Variants in DENND1B observed in about 807,000 individuals in gnomAD.
DENND1B encodes the protein DENN domain-containing protein 1B.
DENND1B carries 59 observed loss-of-function variants against 90.1 expected under a neutral mutation model. The ratio of observed to expected loss-of-function variants is 0.65; its 90% CI spans 0.53 to 0.81. The LOEUF (loss-of-function observed/expected upper bound fraction) is 0.81. DENND1B is among the 40% of genes least tolerant of loss of function. The pLI, the probability that DENND1B is intolerant of heterozygous loss-of-function variation, is 0.00. For missense variants in DENND1B, 862 were observed against 912.6 expected (o/e 0.94, Z 0.71); for synonymous variants, 337 against 324.6 (o/e 1.04, Z -0.41).
intron 2 of DENND1B, among the ~76,000 whole-genome samples, chr1:197,755,155 T>C (rs1654115162): frequency 6.6e-6 from 1 of 152,200 alleles, no homozygotes; most frequent in South Asian, 2.1e-4. Flanking sequence ...AAATTGAGGT[T>C]TACTGGAAAA....
intron 15 of DENND1B, among the ~76,000 whole-genome samples, chr1:197,565,533 C>T (rs915653717): frequency 3.3e-5 from 5 of 151,288 alleles, no homozygotes; most frequent in African/African-American, 1.2e-4. Context: ...TACATGTGCA[C>T]AATGTGCAGG....
intron 15 of DENND1B, among the ~76,000 whole-genome samples, chr1:197,568,162 T>C (rs1214268830): frequency 6.6e-6 from 1 of 152,044 alleles, no homozygotes; most frequent in South Asian, 2.1e-4. Context: ...ATCAGTAATG[T>C]AGCAAGATAC....
intron 15 of DENND1B, among the ~76,000 whole-genome samples, chr1:197,569,780 G>T (rs1016855705): frequency 6.6e-6 from 1 of 152,044 alleles, no homozygotes; most frequent in Non-Finnish European, 1.5e-5. Context: ...AGGGGTTGGG[G>T]TAAAGCAGAC....
chr1:197,734,375 A>T (rs1402731972), intron 2 of DENND1B: 2 of 983,030 alleles, frequency 2.0e-6, no homozygotes, highest in Non-Finnish European at 2.4e-6. Context: ...TGAGTTCATG[A>T]ATATTTACAA....
rs561557096 is a variant in DENND1B, at chr1:197,642,893, A to G, written c.562-72T>C. ...GTGAAGAAAAACATTTTACACACTT[A>G]CCAGAAAGTCTTGAAGTTCAAAGGG... On this transcript the variant is annotated intron_variant, in intron 9 of 22. Transcript: ENST00000620048. 6.5e-5 allele frequency: 66 copies of G among 1,017,640 alleles called. 1 individual carries two copies. In the South Asian group the frequency reaches 9.4e-4, roughly 15 times the overall value. 63.0% of individuals were successfully genotyped at this position (1,017,640 alleles called of 1,614,324 possible). A position where few individuals can be genotyped will look rare whatever the true frequency, so the allele number is the denominator to read the frequency against.
At chr1:197,658,444 C>T in intron 5 of DENND1B, 75 bp from the exon 6 acceptor site, 2 of 1,010,896 alleles carry the variant, frequency 2.0e-6, no homozygotes, top group Non-Finnish European at 3.0e-6. Context: ...ACATTTAATT[C>T]ATATTAATTC....
At position 197,509,410 on chromosome 1, in the gene DENND1B, T is replaced by C. The variant is rs561820999; in HGVS notation, c.*1050A>G. On this transcript the variant is annotated 3_prime_UTR_variant, in exon 23 of 23. Coordinates refer to ENST00000620048, the MANE Select transcript of DENND1B (RefSeq NM_001195215.2). The stretch of plus-strand genomic sequence containing the variant: ...TAGGAGAAAACTAAGAAAATCTGAA[T>C]AAAGTATGGAATATCAATATTGGTT... The C allele has an allele frequency of 6.6e-6, 1 of 151,800 alleles. No individual in the cohort carries two copies. Among genetic ancestry groups the C allele is most frequent in the South Asian group, 2.1e-4 (1 of 4,822 alleles). 9.4% of individuals were successfully genotyped at this position (151,800 alleles called of 1,614,324 possible). A position where few individuals can be genotyped will look rare whatever the true frequency, so the allele number is the denominator to read the frequency against.
At chr1:197,747,842 T>C (rs1052424202) in intron 2 of DENND1B, among the ~76,000 whole-genome samples, 19 of 152,210 alleles carry the variant, frequency 1.2e-4, no homozygotes, top group Non-Finnish European at 2.5e-4. Flanking sequence ...ACTCCTGTGA[T>C]TCAGGGGCAA....
rs146092243 is a variant in DENND1B, at chr1:197,629,365, A to T, written c.673-11606T>A. Reference sequence around the variant, plus strand: ...TGCAGCCAGAAAAAATGATGAGTTCATGTCCTTTGTAGGGACATGGATGAA... The same window carrying T: ...TGCAGCCAGAAAAAATGATGAGTTCTTGTCCTTTGTAGGGACATGGATGAA... On this transcript the variant is annotated intron_variant, in intron 10 of 22. Transcript: ENST00000620048. Among the ~76,000 whole-genome samples, 811 of 152,212 alleles carry T rather than the reference A, an allele frequency of 5.3e-3. 8 individuals are homozygous for T. Among genetic ancestry groups the T allele is most frequent in the African/African-American group, 0.019 (775 of 41,544 alleles).
intron 2 of DENND1B, among the ~76,000 whole-genome samples, chr1:197,730,215 C>A (rs774576362): frequency 4.5e-4 from 69 of 151,866 alleles, no homozygotes; most frequent in Non-Finnish European, 8.1e-4. Context: ...AATATAGTCC[C>A]TTTTTACAGG....
At chr1:197,603,753 G>A (rs1300759120) in intron 13 of DENND1B, among the ~76,000 whole-genome samples, 6 of 150,872 alleles carry the variant, frequency 4.0e-5, no homozygotes, top group African/African-American at 9.7e-5. Context: ...TTTTTAAAAC[G>A]TTAATGATAA....
At chr1:197,559,206 T>C (rs1361062896) in intron 15 of DENND1B, among the ~76,000 whole-genome samples, 1 of 151,972 alleles carries the variant, frequency 6.6e-6, no homozygotes, top group Non-Finnish European at 1.5e-5. Context: ...ACATGTTATA[T>C]AAATATTTAA....
intron 16 of DENND1B, among the ~76,000 whole-genome samples, chr1:197,550,814 A>T (rs1310172126): frequency 6.6e-6 from 1 of 152,056 alleles, no homozygotes; most frequent in Non-Finnish European, 1.5e-5. Context: ...AATTAAAAAA[A>T]AAAAAGGAAG....
chr1:197,598,928 T>A lies in DENND1B; in HGVS notation c.922-3595A>T, dbSNP rs191720730. Among the ~76,000 whole-genome samples, 3 of 151,918 alleles carry A rather than the reference T, an allele frequency of 2.0e-5. No homozygotes were observed. The East Asian group carries it at 5.8e-4, about 29-fold the overall frequency. ...TGAAAAGAAAATTCAGAAATAAGCA[T>A]CATTTCATTGCTCTTATCAAATGTT... On this transcript the variant is annotated intron_variant, in intron 13 of 22. Transcript: ENST00000620048.
In DENND1B at chr1:197,508,497, T is replaced by C. The variant is rs1269066707; in HGVS notation, c.*1963A>G. ...TCCATACTTATAAGGGAAACAAGAA[T>C]TGTCTTCTTATATAATCATAATGAA... On this transcript the variant is annotated 3_prime_UTR_variant, in exon 23 of 23. Coordinates refer to ENST00000620048, the MANE Select transcript of DENND1B (RefSeq NM_001195215.2). 3 of 151,772 alleles carry C rather than the reference T, an allele frequency of 2.0e-5. No individual in the cohort carries two copies. The highest frequency in any genetic ancestry group is 3.0e-5 in the Non-Finnish European group (2 of 67,796). The allele number at this position is 151,772 out of a possible 1,614,324, so 9.4% of individuals were successfully genotyped here. A position where few individuals can be genotyped will look rare whatever the true frequency, so the allele number is the denominator to read the frequency against.
At chr1:197,763,875 C>T (rs565433101) in intron 2 of DENND1B, among the ~76,000 whole-genome samples, 5 of 152,282 alleles carry the variant, frequency 3.3e-5, no homozygotes, top group East Asian at 3.9e-4. Flanking sequence ...TTGAAATTGA[C>T]GCTTCCCCTT....
rs1003236252 is a variant in DENND1B at position 197,658,333 on chromosome 1, T to G, written c.333A>C (p.Leu111=). The G allele has an allele frequency of 1.2e-6, 2 of 1,610,464 alleles. No homozygotes were observed. The highest frequency in any genetic ancestry group is 2.7e-5 in the African/African-American group (2 of 74,862). ...TAGCCAAGTAATCTGCAAGAGTATT[T>G]AGAAGCTTGTAATACACTTCAAACC... ...LPWFEVYYKL[L]NTLADYLAKE... is the part of the protein sequence containing the mutation. The change falls in exon 6 of 23, where the codon CTA becomes CTC. Residue 111 remains leucine, a synonymous_variant. Transcript: ENST00000620048.
At chr1:197,632,968 T>TA (rs1679464188) in intron 10 of DENND1B, among the ~76,000 whole-genome samples, 1 of 152,142 alleles carries the variant, frequency 6.6e-6, no homozygotes, top group African/African-American at 2.4e-5. Context: ...ATGCCTAAAG[T>TA]AAAAGTTAAT....
At chr1:197,696,782 T>G (rs1658472548) in intron 3 of DENND1B, among the ~76,000 whole-genome samples, 1 of 151,212 alleles carries the variant, frequency 6.6e-6, no homozygotes, top group African/African-American at 2.4e-5. Context: ...AAACACTTAT[T>G]CATATCTTAT....
Sources: gnomAD v4.1 joint callset for allele counts (sites outside exome capture counted in the v4.1 genomes callset) on GRCh38, gnomAD v4.1.1 for gene constraint, MANE v1.5 for transcripts, NCBI Gene and HGNC (gene_info 2026-07-23, HGNC 2026-07-21) for gene names.